The following AMPH variants were observed in gnomAD, a reference collection of about 807,000 sequenced individuals.
The protein encoded by AMPH is amphiphysin (Stiff-Mann syndrome with breast cancer 128kD autoantigen).
A neutral mutation model predicts 99.1 loss-of-function variants in AMPH; 49 were observed. The ratio of observed to expected loss-of-function variants is 0.49; its 90% CI spans 0.39 to 0.63. The LOEUF (loss-of-function observed/expected upper bound fraction) is 0.63. Ranked by LOEUF, AMPH falls within the 20% of genes least tolerant of loss-of-function variation. The pLI is 0.00. For missense variants in AMPH, 759 were observed against 863.4 expected, an observed-to-expected ratio of 0.88 and a Z score of 1.52; for synonymous variants, 314 against 317.3, an observed-to-expected ratio of 0.99 and a Z score of 0.11.
chr7:38,512,495 A>G (rs1379439968), intron 2 of AMPH, among the ~76,000 whole-genome samples: 3 of 152,208 alleles, frequency 2.0e-5, no homozygotes, highest in African/African-American at 7.2e-5. Context: ...TGGAAAATAT[A>G]TGGAATTAGT....
intron 1 of AMPH, among the ~76,000 whole-genome samples, chr7:38,585,542 A>G (rs1792613964): frequency 6.6e-6 from 1 of 152,226 alleles, no homozygotes. Flanking sequence ...CTTAAGAAAA[A>G]TACATTCCCT....
intron 1 of AMPH, among the ~76,000 whole-genome samples, chr7:38,582,491 T>C (rs1792502958): frequency 6.6e-6 from 1 of 152,244 alleles, no homozygotes; most frequent in South Asian, 2.1e-4. Flanking sequence ...ACTCTTATTC[T>C]TTCATAAGTT....
intron 1 of AMPH, among the ~76,000 whole-genome samples, chr7:38,610,781 T>G (rs1172658445): frequency 6.6e-6 from 1 of 152,154 alleles, no homozygotes; most frequent in East Asian, 1.9e-4. Flanking sequence ...TGTAAAACAT[T>G]TAGTAACATA....
intron 3 of AMPH, among the ~76,000 whole-genome samples, chr7:38,501,053 G>A (rs1388340313): frequency 2.0e-5 from 3 of 152,156 alleles, no homozygotes; most frequent in Admixed American, 6.5e-5. Context: ...CATTGGTCAC[G>A]TAGTTCAAAG....
At chr7:38,424,196 CCA>C (rs1785698685) in intron 15 of AMPH, among the ~76,000 whole-genome samples, 1 of 152,162 alleles carries the variant, frequency 6.6e-6, no homozygotes, top group Admixed American at 6.5e-5. Flanking sequence ...GCAACAATGC[CCA>C]CAGTCAATGA....
chr7:38,417,843 C>T lies in AMPH; in HGVS notation c.1380G>A (p.Glu460=), dbSNP rs774126913. 1.2e-6 allele frequency: 2 copies of T among 1,613,916 alleles called. No homozygotes were observed. The highest frequency in any genetic ancestry group is 1.7e-6 in the Non-Finnish European group (2 of 1,179,944). The change falls in exon 17 of 21, where the codon GAG becomes GAA. Residue 460 remains glutamate, a synonymous_variant. Coordinates refer to ENST00000356264, the MANE Select transcript of AMPH (RefSeq NM_001635.4). ...LDLGMDTRAE[E]PVEEAVIIPG... ...TGCTCACCACTGCCTCCTCCACTGG[C>T]TCCTCAGCCCGAGTGTCCATTCCAA...
chr7:38,553,962 T>C (rs1473095574), intron 1 of AMPH, among the ~76,000 whole-genome samples: 2 of 152,228 alleles, frequency 1.3e-5, no homozygotes, highest in African/African-American at 4.8e-5. Flanking sequence ...TCTTTAAGCA[T>C]CACTAGACTC....
chr7:38,405,698 C>A (rs572313693), intron 17 of AMPH, among the ~76,000 whole-genome samples: 1 of 152,066 alleles, frequency 6.6e-6, no homozygotes, highest in Admixed American at 6.5e-5. Flanking sequence ...ATACATCCAA[C>A]ACCAGAGCAC....
intron 2 of AMPH, among the ~76,000 whole-genome samples, chr7:38,528,248 C>A (rs1790263739): frequency 6.6e-6 from 1 of 152,090 alleles, no homozygotes; most frequent in Admixed American, 6.5e-5. Context: ...CAAGGTAATA[C>A]AGCCCACATA....
chr7:38,524,718 T>C (rs1366681062), intron 2 of AMPH, among the ~76,000 whole-genome samples: 3 of 152,204 alleles, frequency 2.0e-5, no homozygotes, highest in African/African-American at 4.8e-5. Context: ...TATAGCTTTT[T>C]GTAAGGTTAA....
At chr7:38,435,790 C>T (rs899336074) in intron 12 of AMPH, among the ~76,000 whole-genome samples, 6 of 152,114 alleles carry the variant, frequency 3.9e-5, no homozygotes, top group Non-Finnish European at 8.8e-5. Flanking sequence ...GGAGGATGAA[C>T]ACAGCATCAT....
chr7:38,391,599 G>A lies in AMPH; in HGVS notation c.1878+149C>T, dbSNP rs1384695367. On this transcript the variant is annotated intron_variant, in intron 19 of 20. Transcript: ENST00000356264. Reference sequence around the variant, plus strand: ...ATGAAAATCTATTACTGTAGTCCTGGCTTGTCCAAGTGATGTTGTGGTGAA... The same window carrying A: ...ATGAAAATCTATTACTGTAGTCCTGACTTGTCCAAGTGATGTTGTGGTGAA... 5 of 779,386 alleles carry A rather than the reference G, an allele frequency of 6.4e-6. No homozygotes were observed. The African/African-American group carries it at 7.0e-5, about 11-fold the overall frequency. The allele number at this position is 779,386 out of a possible 1,614,324, so 48.3% of individuals were successfully genotyped here.
At chr7:38,607,390 T>C in intron 1 of AMPH, among the ~76,000 whole-genome samples, 1 of 152,256 alleles carries the variant, frequency 6.6e-6, no homozygotes, top group East Asian at 1.9e-4. Context: ...GCTAACATAG[T>C]TAAATGTCTA....
intron 1 of AMPH, among the ~76,000 whole-genome samples, chr7:38,563,025 A>G (rs1039924225): frequency 2.0e-5 from 3 of 152,216 alleles, no homozygotes; most frequent in Middle Eastern, 3.2e-3. Flanking sequence ...ATTGTTAAGC[A>G]TGTTATGTTT....
rs1306035129 is a variant in AMPH at position 38,525,269 on chromosome 7, TATATATATAGAG to T, written c.150+9650_150+9661del. Among the ~76,000 whole-genome samples the T allele has an allele frequency of 3.2e-3, 223 of 70,404 alleles. 1 individual carries two copies. The highest frequency in any genetic ancestry group is 5.0e-3 in the Non-Finnish European group (174 of 34,536). The allele number at this position is 70,404 out of a possible 152,430, so 46.2% of individuals were successfully genotyped here. A position where few individuals can be genotyped will look rare whatever the true frequency, so the allele number is the denominator to read the frequency against. On this transcript the variant is annotated intron_variant, in intron 2 of 20. Coordinates refer to ENST00000356264, the MANE Select transcript of AMPH (RefSeq NM_001635.4). Reference sequence around the variant, plus strand: ...TTGTGTGTGTGTGTGTATATATATATATATATATAGAGAGAGAGAGAGAGAGAGAGAGAGAGA... The same window carrying T: ...TTGTGTGTGTGTGTGTATATATATATAGAGAGAGAGAGAGAGAGAGAGAGA...
chr7:38,478,476 A>G (rs912165780), intron 5 of AMPH, among the ~76,000 whole-genome samples: 1 of 152,190 alleles, frequency 6.6e-6, no homozygotes, highest in Admixed American at 6.5e-5. Flanking sequence ...TAACGGCCTG[A>G]CAAAAAGGCT....
Position 38,525,258 on chromosome 7 carries a change from G to GTATATATATATATA in AMPH, c.150+9659_150+9672dup, listed in dbSNP as rs141925117. Among the ~76,000 whole-genome samples the GTATATATATATATA allele has an allele frequency of 9.6e-4, 107 of 111,104 alleles. 2 individuals are homozygous for GTATATATATATATA. The highest frequency in any genetic ancestry group is 3.9e-3 in the East Asian group (13 of 3,294). The allele number at this position is 111,104 out of a possible 152,430, so 72.9% of individuals were successfully genotyped here. ...TATATATGTAGTTGTGTGTGTGTGT[G>GTATATATATATATA]TATATATATATATATATATAGAGAG... On this transcript the variant is annotated intron_variant, in intron 2 of 20. Transcript: ENST00000356264.
chr7:38,531,950 T>G (rs1180532411), intron 2 of AMPH, among the ~76,000 whole-genome samples: 1 of 152,184 alleles, frequency 6.6e-6, no homozygotes, highest in Non-Finnish European at 1.5e-5. Context: ...ATAATAGACC[T>G]TGCAGATGTA....
At chr7:38,545,731 C>T (rs543254107) in intron 1 of AMPH, among the ~76,000 whole-genome samples, 3 of 152,220 alleles carry the variant, frequency 2.0e-5, no homozygotes, top group East Asian at 3.9e-4. Context: ...GAGTGAGGTA[C>T]CACCAAAATT....
Sources: gnomAD v4.1 joint callset for allele counts (sites outside exome capture counted in the v4.1 genomes callset) on GRCh38, gnomAD v4.1.1 for gene constraint, MANE v1.5 for transcripts, NCBI Gene and HGNC (gene_info 2026-07-23, HGNC 2026-07-21) for gene names.